The following ADGRG4 variants were observed in gnomAD, a reference collection of about 807,000 sequenced individuals.
ADGRG4 encodes G protein-coupled receptor 112.
Under a neutral mutation model 126.2 loss-of-function variants are expected in ADGRG4, and 122 were observed. The observed-to-expected ratio is 0.97, with a 90% CI of 0.83 to 1.12. The LOEUF is 1.12. Among genes scored for constraint, ADGRG4 ranks in the 50% most tolerant of loss-of-function variants. The probability of loss-of-function intolerance (pLI) is 0.00; values close to 1 mark genes in which losing one functional copy is unlikely to be tolerated. For missense variants in ADGRG4, 2,481 were observed against 2,251.8 expected, an observed-to-expected ratio of 1.10 and a Z score of -2.06; for synonymous variants, 943 against 838.7, an observed-to-expected ratio of 1.12 and a Z score of -2.15.
At chrX:136,318,952 C>T (rs1321408842) in intron 4 of ADGRG4, among the ~76,000 whole-genome samples, 1 of 112,126 alleles carries the variant, frequency 8.9e-6, no homozygotes, top group African/African-American at 3.2e-5. Context: ...TGGATAGAGG[C>T]GAAGAGACAC....
chrX:136,350,420 C>A lies in ADGRG4; in HGVS notation c.6714C>A (p.Ala2238=). Residue 2238 remains alanine (A), a synonymous_variant, in exon 6 of 26, where the codon GCC becomes GCA. Coordinates refer to ENST00000394143, the MANE Select transcript of ADGRG4 (RefSeq NM_153834.4). ...LSTEASTSPT[A]TKSTVSFYNV... is the part of the protein sequence containing the mutation. ...CGGAAGCATCGACTTCGCCTACTGCCACCAAGTCCACAGGTACTGCTCCAT... is the reference window on the plus strand; with the variant it reads ...CGGAAGCATCGACTTCGCCTACTGCAACCAAGTCCACAGGTACTGCTCCAT... The A allele has an allele frequency of 8.3e-7, 1 of 1,203,761 alleles. No homozygotes were observed. Among genetic ancestry groups the A allele is most frequent in the South Asian group, 1.8e-5 (1 of 54,974 alleles).
At chrX:136,403,604 G>A (rs1018066550) in intron 22 of ADGRG4, among the ~76,000 whole-genome samples, 1 of 112,103 alleles carries the variant, frequency 8.9e-6, no homozygotes, top group African/African-American at 3.2e-5. Context: ...ATGATATGAT[G>A]TATGAAATGT....
intron 20 of ADGRG4, 121 bp from the exon 21 acceptor site, chrX:136,399,727 G>T (rs2075369496): frequency 2.3e-5 from 14 of 615,734 alleles, no homozygotes; most frequent in Non-Finnish European, 3.4e-5. Context: ...GGACTTCAAA[G>T]TATAAGCAAA....
At position 136,347,325 on chromosome X, in the gene ADGRG4, A is replaced by T. The variant is rs1339097096; in HGVS notation, c.3619A>T (p.Thr1207Ser). The change falls in exon 6 of 26, where the codon ACC (threonine) becomes TCC (serine). Residue 1207 changes from threonine (T) to serine (S), a missense_variant. Physicochemically the swap from Thr to Ser is moderately conservative, Grantham distance 58. Coordinates refer to ENST00000394143, the MANE Select transcript of ADGRG4 (RefSeq NM_153834.4). ...CAGCTTGGCTACTGGCACCACAGAG[A>T]CCTCTGTTGTTGATGAGACCACACC... Reference protein sequence around the residue: ...VASLATGTTETSVVDETTPSH... With the variant: ...VASLATGTTESSVVDETTPSH... The T allele has an allele frequency of 1.7e-6, 2 of 1,208,314 alleles. No homozygotes were observed. The highest frequency in any genetic ancestry group is 2.2e-6 in the Non-Finnish European group (2 of 892,828).
rs910790947 is a variant in ADGRG4 at position 136,416,434 on chromosome X, TC to T, written c.9206-19del. On this transcript the variant is annotated intron_variant, in intron 25 of 25. Transcript: ENST00000394143. Reference sequence around the variant, plus strand: ...TCCCTGATGCCGCAGCTGAAAATTTTCTTTTTTTCTTTACTGCAGATGACTT... The same window carrying T: ...TCCCTGATGCCGCAGCTGAAAATTTTTTTTTTTCTTTACTGCAGATGACTT... 8.4e-7 allele frequency: 1 copy of T among 1,189,402 alleles called. No individual in the cohort carries two copies. Among genetic ancestry groups the T allele is most frequent in the Admixed American group, 2.3e-5 (1 of 44,110 alleles).
In ADGRG4 at chrX:136,416,680, T is replaced by G; in HGVS notation, c.*189T>G. The G allele has an allele frequency of 3.2e-6, 1 of 315,955 alleles. No homozygotes were observed. The allele number at this position is 315,955 out of a possible 1,213,427, so 26.0% of individuals were successfully genotyped here. Reference sequence around the variant, plus strand: ...TATGGAAATTTAAAAAAAACAAAAATAAAAAGCAAAACAAAAATCCCAAAA... The same window carrying G: ...TATGGAAATTTAAAAAAAACAAAAAGAAAAAGCAAAACAAAAATCCCAAAA... On this transcript the variant is annotated 3_prime_UTR_variant, in exon 26 of 26. Transcript: ENST00000394143.
chrX:136,307,932 T>C (rs1437966069), intron 3 of ADGRG4, among the ~76,000 whole-genome samples: 1 of 112,519 alleles, frequency 8.9e-6, no homozygotes, highest in East Asian at 2.8e-4. Context: ...AATGAAATGG[T>C]GATTAGATTT....
chrX:136,360,809 A>G (rs2075123606), intron 11 of ADGRG4, among the ~76,000 whole-genome samples: 2 of 110,917 alleles, frequency 1.8e-5, no homozygotes, highest in South Asian at 3.9e-4. Context: ...GAATTTACTA[A>G]AATGAAATCC....
At chrX:136,392,204 C>T (rs771879460) in intron 16 of ADGRG4, 28 bp from the exon 17 acceptor site, 2 of 1,132,895 alleles carry the variant, frequency 1.8e-6, no homozygotes, top group South Asian at 4.6e-5. Flanking sequence ...AATTTAGGTC[C>T]TGAACTCCTC....
intron 22 of ADGRG4, among the ~76,000 whole-genome samples, chrX:136,405,342 G>A (rs1379408871): frequency 9.0e-6 from 1 of 110,906 alleles, no homozygotes; most frequent in Non-Finnish European, 1.9e-5. Context: ...GGTGTGGGGA[G>A]CACGGCGACA....
intron 15 of ADGRG4, among the ~76,000 whole-genome samples, chrX:136,384,497 T>C (rs922753934): frequency 4.1e-4 from 46 of 111,828 alleles, no homozygotes; most frequent in Non-Finnish European, 2.6e-4. Context: ...CCTAGATATG[T>C]ATTATTTTTG....
intron 1 of ADGRG4, among the ~76,000 whole-genome samples, chrX:136,302,514 T>G (rs1015225485): frequency 1.8e-5 from 2 of 112,122 alleles, no homozygotes; most frequent in Non-Finnish European, 3.8e-5. Flanking sequence ...TAGAGCCTTT[T>G]CTACCTCCCC....
chrX:136,382,875 C>T (rs2075271115), intron 15 of ADGRG4, among the ~76,000 whole-genome samples: 1 of 110,191 alleles, frequency 9.1e-6, no homozygotes, highest in Non-Finnish European at 1.9e-5. Context: ...TTGGTGGCAG[C>T]GTTCCTCCCT....
In ADGRG4 at chrX:136,346,000, C is replaced by G. The variant is rs1404704286; in HGVS notation, c.2294C>G (p.Pro765Arg). 8.3e-7 allele frequency: 1 copy of G among 1,207,580 alleles called. No individual in the cohort carries two copies. The highest frequency in any genetic ancestry group is 1.8e-5 in the South Asian group (1 of 56,467). Residue 765 changes from proline (P) to arginine (R), a missense_variant, in exon 6 of 26, where the codon CCT (proline) becomes CGT (arginine). Pro to Arg is a moderately radical substitution (Grantham distance 103, BLOSUM62 -2). Transcript: ENST00000394143. ...ACCACTTTACTACTAAAAACAATAC[C>G]TATGTCTACAAAACCTGCAAATGAA... ...KLTTLLLKTI[P>R]MSTKPANELP... is the part of the protein sequence containing the mutation.
At chrX:136,380,604 CTCT>C (rs1219064272) in intron 15 of ADGRG4, among the ~76,000 whole-genome samples, 6,817 of 55,135 alleles carry the variant, frequency 0.12, 542 homozygotes, top group East Asian at 0.33. Context: ...CCTCCTCCTC[CTCT>C]TCTTCTTCTT....
intron 15 of ADGRG4, among the ~76,000 whole-genome samples, chrX:136,379,715 C>T (rs2075248259): frequency 9.0e-6 from 1 of 110,566 alleles, no homozygotes; most frequent in African/African-American, 3.3e-5. Context: ...CGTTGTTCAT[C>T]TTCCCAAAGC....
intron 16 of ADGRG4, among the ~76,000 whole-genome samples, chrX:136,390,138 A>C (rs903987845): frequency 2.3e-4 from 25 of 110,701 alleles, no homozygotes; most frequent in African/African-American, 8.2e-4. Context: ...GCAACCTCTA[A>C]CTCCTGGGTT....
In ADGRG4 at chrX:136,387,675, G is replaced by A. The variant is rs1311854447; in HGVS notation, c.7777-65G>A. The A allele has an allele frequency of 5.6e-6, 6 of 1,065,591 alleles. No homozygotes were observed. The Admixed American group carries it at 1.2e-4, about 22-fold the overall frequency. The allele number at this position is 1,065,591 out of a possible 1,213,427, so 87.8% of individuals were successfully genotyped here. On this transcript the variant is annotated intron_variant, in intron 15 of 25. Transcript: ENST00000394143. ...ATTCTGAGGCTGAGCTGGGGTGGGA[G>A]GTGGGCAGGACTTCACTATGATGAA...
chrX:136,338,450 AT>A (rs1298514562), intron 5 of ADGRG4, among the ~76,000 whole-genome samples: 3 of 110,565 alleles, frequency 2.7e-5, no homozygotes, highest in Admixed American at 9.7e-5. Flanking sequence ...GCCTGGCCCC[AT>A]TTTTTTTCCA....
Sources: allele counts gnomAD v4.1 joint callset (sites outside exome capture counted in the v4.1 genomes callset), GRCh38; gene constraint gnomAD v4.1.1; transcripts MANE v1.5; gene names NCBI Gene and HGNC (gene_info 2026-07-23, HGNC 2026-07-21).